The following NSUN6 variants were observed in gnomAD, a reference collection of about 807,000 sequenced individuals.
The protein encoded by NSUN6 is NOP2/Sun RNA methyltransferase 6.
In NSUN6, 64 loss-of-function variants were observed where a neutral mutation model predicts 58.0. The ratio of observed to expected loss-of-function variants is 1.10; its 90% CI spans 0.90 to 1.36. NSUN6 has a LOEUF of 1.36. NSUN6 is among the 40% of genes most tolerant of loss of function. The probability of loss-of-function intolerance (pLI) is 0.00; values close to 1 mark genes in which losing one functional copy is unlikely to be tolerated. For missense variants in NSUN6, 701 were observed against 550.1 expected, an observed-to-expected ratio of 1.27 and a Z score of -2.74; for synonymous variants, 231 against 193.9, an observed-to-expected ratio of 1.19 and a Z score of -1.59.
intron 6 of NSUN6, among the ~76,000 whole-genome samples, chr10:18,602,286 C>T (rs2057875032): frequency 6.6e-6 from 1 of 151,202 alleles, no homozygotes; most frequent in Admixed American, 6.6e-5. Context: ...CTCTGTTGCC[C>T]AGGCTGGAAT....
Position 18,650,631 on chromosome 10 carries a change from G to C in NSUN6, c.75+498C>G, listed in dbSNP as rs74437915. 3.8e-4 allele frequency among the ~76,000 whole-genome samples: 58 copies of C among 152,248 alleles called. No homozygotes were observed. The East Asian group carries it at 9.8e-3, about 26-fold the overall frequency. ...GTTACTTGATAGCTGTGTCAACTTG[G>C]ATCAGTTACACAATTCCTTGAGCAG... On this transcript the variant is annotated intron_variant, in intron 1 of 10. Transcript: ENST00000377304.
intron 8 of NSUN6, among the ~76,000 whole-genome samples, chr10:18,576,683 C>T (rs2056664979): frequency 6.6e-6 from 1 of 152,164 alleles, no homozygotes. Context: ...AGGGAGGAAA[C>T]TTAGCATTCC....
intron 8 of NSUN6, among the ~76,000 whole-genome samples, chr10:18,562,156 T>C (rs2055561692): frequency 6.8e-6 from 1 of 146,586 alleles, no homozygotes; most frequent in Non-Finnish European, 1.5e-5. Context: ...GAAAATGGAA[T>C]GGAATAGAAT....
intron 8 of NSUN6, among the ~76,000 whole-genome samples, chr10:18,565,969 TCCATTCCATACCATTCC>T (rs2055900675): frequency 6.6e-6 from 1 of 150,886 alleles, no homozygotes; most frequent in Non-Finnish European, 1.5e-5. Context: ...TCCATTCTCT[TCCATTCCATACCATTCC>T]CCATTCCATT....
At chr10:18,627,425 G>C (rs923948836) in intron 3 of NSUN6, among the ~76,000 whole-genome samples, 3 of 152,192 alleles carry the variant, frequency 2.0e-5, no homozygotes, top group Non-Finnish European at 4.4e-5. Flanking sequence ...AGAAGAATAG[G>C]AACAGCTCCG....
intron 8 of NSUN6, among the ~76,000 whole-genome samples, chr10:18,585,747 T>C (rs907651018): frequency 1.4e-4 from 21 of 152,176 alleles, no homozygotes; most frequent in African/African-American, 4.8e-4. Flanking sequence ...ATGGTGACTA[T>C]ACTAATGTAT....
At position 18,648,815 on chromosome 10, in the gene NSUN6, G is replaced by A. The variant is rs375433967; in HGVS notation, c.76-170C>T. Among the ~76,000 whole-genome samples the A allele has an allele frequency of 7.2e-5, 11 of 152,268 alleles. No individual in the cohort carries two copies. The South Asian group carries it at 1.7e-3, about 23-fold the overall frequency. On this transcript the variant is annotated intron_variant, in intron 1 of 10. Coordinates refer to ENST00000377304, the MANE Select transcript of NSUN6 (RefSeq NM_182543.5). ...AACTAAGGAAATAGTAATACTTCAC[G>A]GGGTTCTTGGGCTTCAACATGGTAA...
chr10:18,617,398 G>A (rs184599684), intron 3 of NSUN6, among the ~76,000 whole-genome samples: 2 of 152,106 alleles, frequency 1.3e-5, no homozygotes, highest in East Asian at 3.9e-4. Flanking sequence ...ATGTTGGCCA[G>A]GTGGGTCTCG....
chr10:18,609,154 C>CA (rs2058142606), intron 6 of NSUN6, among the ~76,000 whole-genome samples: 1 of 151,872 alleles, frequency 6.6e-6, no homozygotes, highest in Admixed American at 6.6e-5. Flanking sequence ...ACAAAAACAT[C>CA]AAAAAAATGA....
At chr10:18,602,930 A>G (rs2057904240) in intron 6 of NSUN6, among the ~76,000 whole-genome samples, 1 of 152,208 alleles carries the variant, frequency 6.6e-6, no homozygotes, top group South Asian at 2.1e-4. Flanking sequence ...AGCTAATATC[A>G]GACTAATAAA....
chr10:18,641,723 G>A (rs1039671035), intron 3 of NSUN6, among the ~76,000 whole-genome samples: 19 of 151,960 alleles, frequency 1.3e-4, no homozygotes, highest in African/African-American at 4.4e-4. Context: ...ATACGTAAAC[G>A]CGCAGAACAT....
At chr10:18,581,784 C>T (rs2056915979) in intron 8 of NSUN6, among the ~76,000 whole-genome samples, 1 of 151,570 alleles carries the variant, frequency 6.6e-6, no homozygotes, top group Non-Finnish European at 1.5e-5. Flanking sequence ...CGAGATCGTG[C>T]CACTGTACTC....
At chr10:18,639,346 A>T (rs1472025895) in intron 3 of NSUN6, among the ~76,000 whole-genome samples, 2 of 151,894 alleles carry the variant, frequency 1.3e-5, no homozygotes, top group African/African-American at 4.8e-5. Context: ...TACAAAAATG[A>T]AGCCAGGTGT....
chr10:18,589,542 G>A (rs968613472), intron 7 of NSUN6, among the ~76,000 whole-genome samples: 29 of 152,144 alleles, frequency 1.9e-4, no homozygotes, highest in Non-Finnish European at 3.5e-4. Context: ...GAAGCCCATC[G>A]GACTAACAGC....
intron 8 of NSUN6, among the ~76,000 whole-genome samples, chr10:18,575,506 T>C (rs1367074570): frequency 1.3e-5 from 2 of 152,128 alleles, no homozygotes; most frequent in Non-Finnish European, 2.9e-5. Context: ...GAACATTGAT[T>C]CAGACAATGG....
rs764170285 is a variant in NSUN6, at chr10:18,552,867, C to T, written c.923-896G>A. ...CTACACTACACTGCATTCCACATAC[C>T]ATTCCATTCTCAATTCACCATTCCA... On this transcript the variant is annotated intron_variant, in intron 8 of 10. Transcript: ENST00000377304. 2.0e-4 allele frequency among the ~76,000 whole-genome samples: 31 copies of T among 151,734 alleles called. 1 individual carries two copies. The highest frequency in any genetic ancestry group is 4.4e-5 in the Non-Finnish European group (3 of 67,894).
chr10:18,599,393 CAG>C (rs2057719140), intron 6 of NSUN6, among the ~76,000 whole-genome samples: 2 of 152,170 alleles, frequency 1.3e-5, no homozygotes, highest in Admixed American at 1.3e-4. Flanking sequence ...TGCCCGGTGA[CAG>C]AGTTTTCTTA....
upstream of NSUN6, chr10:18,653,020 T>G (rs2059735844): frequency 2.0e-6 from 2 of 985,182 alleles, no homozygotes; most frequent in African/African-American, 3.5e-5. Flanking sequence ...CATGAGATTC[T>G]TTCATGGCTA....
At chr10:18,622,045 C>G (rs867310470) in intron 3 of NSUN6, among the ~76,000 whole-genome samples, 1 of 146,846 alleles carries the variant, frequency 6.8e-6, no homozygotes, top group Non-Finnish European at 1.6e-5. Flanking sequence ...ATGACACACA[C>G]ACACACACAC....
Sources: allele counts gnomAD v4.1 joint callset (sites outside exome capture counted in the v4.1 genomes callset), GRCh38; gene constraint gnomAD v4.1.1; transcripts MANE v1.5; gene names NCBI Gene and HGNC (gene_info 2026-07-23, HGNC 2026-07-21).